Variants in MYO16 observed in about 807,000 individuals in gnomAD.
The protein encoded by MYO16 is unconventional myosin-XVI.
Under a neutral mutation model 205.3 loss-of-function variants are expected in MYO16, and 94 were observed. The observed-to-expected ratio is 0.46, with a 90% CI of 0.39 to 0.54. The LOEUF (loss-of-function observed/expected upper bound fraction) is 0.54. Ranked by LOEUF, MYO16 falls within the 20% of genes least tolerant of loss-of-function variation. The probability of loss-of-function intolerance (pLI) is 0.00; values close to 1 mark genes in which losing one functional copy is unlikely to be tolerated. For synonymous variants in MYO16, 988 were observed against 954.0 expected (o/e 1.04, Z -0.66); for missense variants, 2,315 against 2,387.5 (o/e 0.97, Z 0.63).
the MYO16 span, among the ~76,000 whole-genome samples, chr13:108,556,456 C>T: frequency 6.6e-6 from 1 of 152,086 alleles, no homozygotes; most frequent in Non-Finnish European, 1.5e-5. Context: ...TCTTCAGATC[C>T]TTTGCCCATT....
At chr13:108,617,737 G>C (rs9587629) in intron 1 of MYO16, among the ~76,000 whole-genome samples, 4 of 152,258 alleles carry the variant, frequency 2.6e-5, no homozygotes, top group African/African-American at 7.2e-5. Context: ...GTGCATAGCA[G>C]AAGCCCTGCA....
intron 27 of MYO16, among the ~76,000 whole-genome samples, chr13:109,087,936 A>G (rs549856085): frequency 6.6e-6 from 1 of 152,326 alleles, no homozygotes; most frequent in South Asian, 2.1e-4. Flanking sequence ...TTTCAGTTTA[A>G]CGAAACAAGC....
intron 3 of MYO16, among the ~76,000 whole-genome samples, chr13:108,718,013 C>T (rs747404928): frequency 3.3e-5 from 5 of 152,144 alleles, no homozygotes; most frequent in African/African-American, 4.8e-5. Flanking sequence ...AGAAAATGTG[C>T]TGCCCAAAAC....
At chr13:108,695,034 C>A (rs1883036680) in intron 2 of MYO16, among the ~76,000 whole-genome samples, 2 of 152,192 alleles carry the variant, frequency 1.3e-5, no homozygotes, top group South Asian at 4.1e-4. Flanking sequence ...ATCTCTTGAA[C>A]CCGGGAGGCA....
At chr13:109,092,982 G>A (rs944698956) in intron 27 of MYO16, among the ~76,000 whole-genome samples, 1 of 151,952 alleles carries the variant, frequency 6.6e-6, no homozygotes, top group Non-Finnish European at 1.5e-5. Context: ...TCTATGATGT[G>A]GCTCTTTCAC....
intron 32 of MYO16, among the ~76,000 whole-genome samples, chr13:109,144,026 CTTTT>C (rs11347920): frequency 1.0e-4 from 15 of 143,784 alleles, no homozygotes; most frequent in Non-Finnish European, 1.1e-4. Context: ...TATAATAATT[CTTTT>C]TTTTTTTTTT....
intron 6 of MYO16, among the ~76,000 whole-genome samples, chr13:108,800,150 T>A (rs533304831): frequency 6.6e-6 from 1 of 152,322 alleles, no homozygotes; most frequent in Non-Finnish European, 1.5e-5. Flanking sequence ...CTGTGCTTGC[T>A]CCATGAGGCA....
At chr13:108,612,650 C>T (rs1300214761) in intron 1 of MYO16, among the ~76,000 whole-genome samples, 1 of 151,990 alleles carries the variant, frequency 6.6e-6, no homozygotes. Context: ...TGAGATAGTC[C>T]CTGCACTACA....
chr13:108,524,571 T>C, the MYO16 span, among the ~76,000 whole-genome samples: 5 of 152,212 alleles, frequency 3.3e-5, no homozygotes, highest in Admixed American at 1.3e-4. Flanking sequence ...TTTATAGCAA[T>C]GTAAGAACTG....
At position 109,088,866 on chromosome 13, in the gene MYO16, C is replaced by T. The variant is rs905597680; in HGVS notation, c.3336-11919C>T. Among the ~76,000 whole-genome samples, 3 of 152,334 alleles carry T rather than the reference C, an allele frequency of 2.0e-5. No homozygotes were observed. The East Asian group carries it at 5.8e-4, about 30-fold the overall frequency. ...CCCCGCCGAGGGCCTCAGGTGGTCC[C>T]GCAACCGCTCAGGAGGGCGGGCAGC... is the stretch of plus-strand genomic sequence containing the variant. On this transcript the variant is annotated intron_variant, in intron 27 of 34. Coordinates refer to ENST00000457511, the MANE Select transcript of MYO16 (RefSeq NM_001198950.3).
intron 20 of MYO16, among the ~76,000 whole-genome samples, chr13:108,978,032 A>G (rs1034652778): frequency 6.6e-6 from 1 of 151,746 alleles, no homozygotes. Context: ...TTTCATGCAC[A>G]CCTTTATTTT....
intron 16 of MYO16, among the ~76,000 whole-genome samples, chr13:108,919,049 A>G (rs1881626592): frequency 6.6e-6 from 1 of 152,152 alleles, no homozygotes; most frequent in South Asian, 2.1e-4. Context: ...TGGGGAAAAC[A>G]GCTGGAAATA....
At chr13:109,098,744 AG>A (rs1888859170) in intron 27 of MYO16, among the ~76,000 whole-genome samples, 1 of 152,182 alleles carries the variant, frequency 6.6e-6, no homozygotes, top group Non-Finnish European at 1.5e-5. Flanking sequence ...ATTTGGCTTT[AG>A]GAAGTGCTTT....
chr13:108,806,539 G>C (rs1213209545), intron 6 of MYO16, 140 bp from the exon 7 acceptor site: 1 of 571,008 alleles, frequency 1.8e-6, no homozygotes, highest in Non-Finnish European at 3.0e-6. Context: ...AAATAAAATT[G>C]CATGTATGTT....
chr13:109,107,309 A>G (rs1271954069), intron 28 of MYO16, among the ~76,000 whole-genome samples: 2 of 152,254 alleles, frequency 1.3e-5, no homozygotes, highest in African/African-American at 4.8e-5. Flanking sequence ...AGATTTTATT[A>G]CCCAAATAGT....
At chr13:108,534,899 T>TCTC in the MYO16 span, among the ~76,000 whole-genome samples, 351 of 149,986 alleles carry the variant, frequency 2.3e-3, 3 homozygotes, top group African/African-American at 7.9e-3. Context: ...TCTTTCTTCT[T>TCTC]CTCCTTCTTC....
intron 32 of MYO16, among the ~76,000 whole-genome samples, chr13:109,157,045 C>T (rs1878084286): frequency 6.6e-6 from 1 of 152,018 alleles, no homozygotes; most frequent in South Asian, 2.1e-4. Context: ...CAGGTGGGAG[C>T]TGCTGCTCTG....
At chr13:109,048,800 G>A (rs1887138227) in intron 24 of MYO16, 1 of 152,606 alleles carries the variant, frequency 6.6e-6, no homozygotes. Flanking sequence ...AGTTGAGGAA[G>A]ATGGTGAGGT....
At chr13:109,073,811 T>C (rs1888002479) in intron 27 of MYO16, among the ~76,000 whole-genome samples, 1 of 152,230 alleles carries the variant, frequency 6.6e-6, no homozygotes, top group African/African-American at 2.4e-5. Flanking sequence ...AAGTGACTAA[T>C]ATGAGTAGTT....
Sources: gnomAD v4.1 joint callset for allele counts (sites outside exome capture counted in the v4.1 genomes callset) on GRCh38, gnomAD v4.1.1 for gene constraint, MANE v1.5 for transcripts, NCBI Gene and HGNC (gene_info 2026-07-23, HGNC 2026-07-21) for gene names.